GALNT18: variants seen among roughly 807,000 people sequenced by gnomAD.
The protein encoded by GALNT18 is GalNAc-transferase 18.
A neutral mutation model predicts 69.5 loss-of-function variants in GALNT18; 44 were observed. The observed-to-expected ratio is 0.63, with a 90% CI of 0.50 to 0.81. The LOEUF (loss-of-function observed/expected upper bound fraction) is 0.81, where lower values mean the gene tolerates loss of function less well. Among genes scored for constraint, GALNT18 ranks in the 40% least tolerant of loss-of-function variants. The pLI is 0.00. For missense variants in GALNT18, 715 were observed against 810.0 expected, an observed-to-expected ratio of 0.88 and a Z score of 1.42; for synonymous variants, 364 against 318.2, an observed-to-expected ratio of 1.14 and a Z score of -1.53.
intron 6 of GALNT18, among the ~76,000 whole-genome samples, chr11:11,357,331 C>T (rs1850552034): frequency 6.6e-6 from 1 of 152,172 alleles, no homozygotes; most frequent in South Asian, 2.1e-4. Flanking sequence ...CCTCTGCCTG[C>T]AAGCAGGCAC....
chr11:11,388,525 T>C (rs2133709615), intron 3 of GALNT18, among the ~76,000 whole-genome samples: 1 of 152,232 alleles, frequency 6.6e-6, no homozygotes, highest in East Asian at 1.9e-4. Flanking sequence ...AAACCTTGAG[T>C]TCTAATGTTT....
chr11:11,338,888 G>A lies in GALNT18; in HGVS notation c.1278+1931C>T, dbSNP rs1850156311. 6.6e-6 allele frequency among the ~76,000 whole-genome samples: 1 copy of A among 152,070 alleles called. No homozygotes were observed. On this transcript the variant is annotated intron_variant, in intron 7 of 10. Transcript: ENST00000227756. The surrounding 1 kb of genome is among the most constrained non-coding windows in gnomAD (Gnocchi z 5.3). ...GTTAGGAATAAATGGAGAGAGATAA[G>A]ATTCCAGGGTGTGGAATCATGGACC...
At position 11,461,920 on chromosome 11, in the gene GALNT18, C is replaced by A. The variant is rs938511139; in HGVS notation, c.236-12984G>T. Among the ~76,000 whole-genome samples the A allele has an allele frequency of 1.3e-5, 2 of 152,236 alleles. No homozygotes were observed. Among genetic ancestry groups the A allele is most frequent in the Admixed American group, 1.3e-4 (2 of 15,280 alleles). Reference sequence around the variant, plus strand: ...TGCAAAAATCATATGTACCTTTCATCTGTAATATTACTCTATCATGTGCTC... The same window carrying A: ...TGCAAAAATCATATGTACCTTTCATATGTAATATTACTCTATCATGTGCTC... On this transcript the variant is annotated intron_variant, in intron 1 of 10. Transcript: ENST00000227756. The surrounding 1 kb of genome is among the most constrained non-coding windows in gnomAD (Gnocchi z 4.1).
intron 1 of GALNT18, among the ~76,000 whole-genome samples, chr11:11,571,733 G>T (rs528349049): frequency 1.3e-5 from 2 of 152,114 alleles, no homozygotes; most frequent in African/African-American, 4.8e-5. Flanking sequence ...CCCATAACAC[G>T]TAATGAGGTT....
At position 11,377,230 on chromosome 11, in the gene GALNT18, T is replaced by C. The variant is rs1402209852; in HGVS notation, c.929A>G (p.Asn310Ser). The C allele has an allele frequency of 6.2e-7, 1 of 1,613,650 alleles. No homozygotes were observed. Among genetic ancestry groups the C allele is most frequent in the South Asian group, 1.1e-5 (1 of 91,048 alleles). The change falls in exon 5 of 11, where the codon AAT becomes AGT. Residue 310 changes from asparagine (N) to serine (S), a missense_variant. Asn to Ser is a conservative substitution (Grantham distance 46). Coordinates refer to ENST00000227756, the MANE Select transcript of GALNT18 (RefSeq NM_198516.3). This position sits in a 1 kb window ranked among gnomAD's most constrained non-coding sequence, Gnocchi z 4.6. ...FDWELWCRYL[N>S]PPKAWWKLEN... ...CAGCTTCCACCAGGCCTTGGGGGGATTTAGGTAGCGGCACCACAGCTCCCA... is the reference window on the plus strand; with the variant it reads ...CAGCTTCCACCAGGCCTTGGGGGGACTTAGGTAGCGGCACCACAGCTCCCA...
rs747433977 is a variant in GALNT18, at chr11:11,583,293, C to T, written c.235+38066G>A. Among the ~76,000 whole-genome samples the T allele has an allele frequency of 1.1e-4, 17 of 152,186 alleles. No individual in the cohort carries two copies. The highest frequency in any genetic ancestry group is 1.8e-4 in the Non-Finnish European group (12 of 68,038). On this transcript the variant is annotated intron_variant, in intron 1 of 10. Transcript: ENST00000227756. This position sits in a 1 kb window ranked among gnomAD's most constrained non-coding sequence, Gnocchi z 4.7. ...TCAAAGCAGCTGGTCCTTCTAGATG[C>T]TAGCCCTCTGTGTGCACACTTATAT...
At chr11:11,552,051 G>C (rs111591624) in intron 1 of GALNT18, among the ~76,000 whole-genome samples, 25 of 152,334 alleles carry the variant, frequency 1.6e-4, no homozygotes, top group African/African-American at 6.0e-4. Context: ...GTTGCTTCAG[G>C]CCATCTGGAT....
At chr11:11,282,504 A>T (rs772528370) in intron 10 of GALNT18, among the ~76,000 whole-genome samples, 5 of 152,230 alleles carry the variant, frequency 3.3e-5, no homozygotes, top group Non-Finnish European at 7.3e-5. Flanking sequence ...GTCCAGGGTC[A>T]CATGGTCAGT....
chr11:11,364,936 A>C (rs12283606), intron 6 of GALNT18, among the ~76,000 whole-genome samples: 22,423 of 151,300 alleles, frequency 0.15, 1,810 homozygotes, highest in Middle Eastern at 0.24. Flanking sequence ...TAACAACTGC[A>C]ACGGGATTTA....
In GALNT18 at chr11:11,546,457, C is replaced by T. The variant is rs1412107342; in HGVS notation, c.235+74902G>A. ...ATCATCTCTTGCCTGTACTTGAGGACATCCCAGCGCTTATCATCTCAGAAC... is the reference window on the plus strand; with the variant it reads ...ATCATCTCTTGCCTGTACTTGAGGATATCCCAGCGCTTATCATCTCAGAAC... On this transcript the variant is annotated intron_variant, in intron 1 of 10. Transcript: ENST00000227756. This position sits in a 1 kb window ranked among gnomAD's most constrained non-coding sequence, Gnocchi z 5.8. Among the ~76,000 whole-genome samples, 1 of 152,246 alleles carries T rather than the reference C, an allele frequency of 6.6e-6. No homozygotes were observed. Among genetic ancestry groups the T allele is most frequent in the Non-Finnish European group, 1.5e-5 (1 of 68,050 alleles).
intron 1 of GALNT18, among the ~76,000 whole-genome samples, chr11:11,570,664 C>T (rs887265987): frequency 6.6e-6 from 1 of 152,228 alleles, no homozygotes; most frequent in Non-Finnish European, 1.5e-5. Context: ...TTGTTTCTCT[C>T]ACACGCTCCA....
chr11:11,502,038 C>G (rs934272494), intron 1 of GALNT18, among the ~76,000 whole-genome samples: 7 of 152,192 alleles, frequency 4.6e-5, no homozygotes. Flanking sequence ...AGCCAGCCTT[C>G]AATGTTGCCA....
chr11:11,502,802 CGT>C (rs1564981946), intron 1 of GALNT18, among the ~76,000 whole-genome samples: 1 of 152,178 alleles, frequency 6.6e-6, no homozygotes, highest in Non-Finnish European at 1.5e-5. Flanking sequence ...AGAGGCGTAG[CGT>C]ATCCTCAGAT....
At position 11,618,382 on chromosome 11, in the gene GALNT18, GA is replaced by G. The variant is rs200140323; in HGVS notation, c.235+2976del. Among the ~76,000 whole-genome samples, 781 of 152,328 alleles carry G rather than the reference GA, an allele frequency of 5.1e-3. 16 individuals are homozygous for G. The highest frequency in any genetic ancestry group is 0.017 in the African/African-American group (711 of 41,566). ...GCTACTTTCTGCAGAATGTGCCAGGGACTGTCCTGCATGTTCAGTAAACATT... is the reference window on the plus strand; with the variant it reads ...GCTACTTTCTGCAGAATGTGCCAGGGCTGTCCTGCATGTTCAGTAAACATT... On this transcript the variant is annotated intron_variant, in intron 1 of 10. Coordinates refer to ENST00000227756, the MANE Select transcript of GALNT18 (RefSeq NM_198516.3). The surrounding 1 kb of genome is among the most constrained non-coding windows in gnomAD (Gnocchi z 6.1).
chr11:11,469,900 C>A lies in GALNT18; in HGVS notation c.236-20964G>T, dbSNP rs1856234142. Among the ~76,000 whole-genome samples, 1 of 152,190 alleles carries A rather than the reference C, an allele frequency of 6.6e-6. No homozygotes were observed. Among genetic ancestry groups the A allele is most frequent in the Non-Finnish European group, 1.5e-5 (1 of 68,034 alleles). Reference sequence around the variant, plus strand: ...AGCATATTTAAGGACATAGTCATTCCATCAGGCCCCCAGAACAGGGTCCCT... The same window carrying A: ...AGCATATTTAAGGACATAGTCATTCAATCAGGCCCCCAGAACAGGGTCCCT... On this transcript the variant is annotated intron_variant, in intron 1 of 10. Coordinates refer to ENST00000227756, the MANE Select transcript of GALNT18 (RefSeq NM_198516.3). The surrounding 1 kb of genome is among the most constrained non-coding windows in gnomAD (Gnocchi z 4.2).
At chr11:11,599,748 TTTC>T (rs1453089154) in intron 1 of GALNT18, among the ~76,000 whole-genome samples, 2 of 151,992 alleles carry the variant, frequency 1.3e-5, no homozygotes, top group Non-Finnish European at 2.9e-5. Context: ...ATTTTTAACA[TTTC>T]TTTTTTCCCA....
chr11:11,278,257 CAG>C (rs1564875884), intron 10 of GALNT18, among the ~76,000 whole-genome samples: 2 of 148,068 alleles, frequency 1.4e-5, no homozygotes, highest in Admixed American at 1.4e-4. Context: ...ATCAATGAGA[CAG>C]AAAATTAACA....
intron 1 of GALNT18, among the ~76,000 whole-genome samples, chr11:11,557,326 A>G (rs185655001): frequency 6.6e-6 from 1 of 152,374 alleles, no homozygotes; most frequent in African/African-American, 2.4e-5. Context: ...TTTTAAAAGC[A>G]TAAACCCTAC....
Position 11,370,115 on chromosome 11 carries a change from G to T in GALNT18, c.1092+2400C>A, listed in dbSNP as rs527439049. ...CTATTACAATAATAGTCTTTTTAGG[G>T]TGTTTCGTGGATGGATGACATAAGT... On this transcript the variant is annotated intron_variant, in intron 6 of 10. Transcript: ENST00000227756. Among the ~76,000 whole-genome samples, 14 of 152,200 alleles carry T rather than the reference G, an allele frequency of 9.2e-5. No individual in the cohort carries two copies. The South Asian group carries it at 2.3e-3, about 25-fold the overall frequency.
Sources: gnomAD v4.1 joint callset for allele counts (sites outside exome capture counted in the v4.1 genomes callset) on GRCh38, gnomAD v4.1.1 for gene constraint, Gnocchi (gnomAD v3.1) non-coding constraint, MANE v1.5 for transcripts, NCBI Gene and HGNC (gene_info 2026-07-23, HGNC 2026-07-21) for gene names.